The following NLRP14 variants were observed in gnomAD, a reference collection of about 807,000 sequenced individuals.
NLRP14 encodes NLR family pyrin domain containing 14, also known as NACHT, LRR and PYD domains-containing protein 14.
In NLRP14, 105 loss-of-function variants were observed where a neutral mutation model predicts 94.7. The observed-to-expected ratio is 1.11, with a 90% CI of 0.95 to 1.30. The LOEUF (loss-of-function observed/expected upper bound fraction) is 1.30. NLRP14 is among the 50% of genes most tolerant of loss of function. The pLI, the probability that NLRP14 is intolerant of heterozygous loss-of-function variation, is 0.00. For missense variants in NLRP14, 1,362 were observed against 1,254.1 expected (o/e 1.09, Z -1.30); for synonymous variants, 508 against 459.9 (o/e 1.10, Z -1.34).
intron 1 of NLRP14, among the ~76,000 whole-genome samples, chr11:7,021,244 A>G (rs568455248): frequency 3.3e-5 from 5 of 152,356 alleles, no homozygotes; most frequent in African/African-American, 1.2e-4. Flanking sequence ...TAACTATGTA[A>G]CAGACTTGTT....
chr11:7,026,706 C>T lies in NLRP14; in HGVS notation c.-22+5936C>T, dbSNP rs376967445. 9.3e-5 allele frequency among the ~76,000 whole-genome samples: 14 copies of T among 150,728 alleles called. No individual in the cohort carries two copies. The East Asian group carries it at 1.2e-3, about 13-fold the overall frequency. On this transcript the variant is annotated intron_variant, in intron 1 of 11. Coordinates refer to ENST00000299481, the MANE Select transcript of NLRP14 (RefSeq NM_176822.4). ...ATGCTGCTATAAAGACACATGCACA[C>T]GTATGTTTATTGCAGCACTATTCAC...
chr11:7,056,787 T>A (rs1852522035), intron 6 of NLRP14, among the ~76,000 whole-genome samples: 1 of 152,000 alleles, frequency 6.6e-6, no homozygotes, highest in Admixed American at 6.6e-5. Context: ...TTCCAAGTAA[T>A]TTTTAACTTA....
chr11:7,057,624 T>G, intron 6 of NLRP14, 53 bp from the exon 7 acceptor site: 4 of 1,542,484 alleles, frequency 2.6e-6, no homozygotes, highest in Non-Finnish European at 3.6e-6. Flanking sequence ...AGGTGTTGGT[T>G]GTAATTATTC....
At chr11:7,048,377 G>A (rs948242767) in intron 5 of NLRP14, among the ~76,000 whole-genome samples, 4 of 152,124 alleles carry the variant, frequency 2.6e-5, no homozygotes, top group Admixed American at 2.6e-4. Context: ...ACTCCACTAG[G>A]AGCTGAAACT....
intron 8 of NLRP14, among the ~76,000 whole-genome samples, chr11:7,059,495 A>G (rs550820320): frequency 6.6e-6 from 1 of 152,084 alleles, no homozygotes; most frequent in South Asian, 2.1e-4. Flanking sequence ...CAAAAGCAAT[A>G]ATGGCATAAT....
chr11:7,044,054 G>C, intron 4 of NLRP14, 70 bp downstream of exon 4: 1 of 1,484,812 alleles, frequency 6.7e-7, no homozygotes, highest in Non-Finnish European at 9.4e-7. Flanking sequence ...TCAGAGGGAG[G>C]AGGCGTTTAG....
At chr11:7,051,445 A>C (rs1331586178) in intron 6 of NLRP14, among the ~76,000 whole-genome samples, 2 of 152,166 alleles carry the variant, frequency 1.3e-5, no homozygotes, top group African/African-American at 4.8e-5. Context: ...CTCTCTGTAG[A>C]TGTGGGCAGT....
At chr11:7,081,138 G>A in the NLRP14 span, among the ~76,000 whole-genome samples, 1 of 152,132 alleles carries the variant, frequency 6.6e-6, no homozygotes, top group South Asian at 2.1e-4. Flanking sequence ...TGTTATTTGT[G>A]GTTTATGGTC....
chr11:7,079,332 A>G, the NLRP14 span, among the ~76,000 whole-genome samples: 17 of 152,156 alleles, frequency 1.1e-4, no homozygotes, highest in Non-Finnish European at 2.1e-4. Context: ...CCTGTTTCTC[A>G]TTCCTTTGGT....
At position 7,042,653 on chromosome 11, in the gene NLRP14, G is replaced by T. The variant is rs758129908; in HGVS notation, c.627G>T (p.Arg209Ser). ...CAGAGGGCAGTCTCTACCAGCAGAG[G>T]TTTAAGTATGTTTTTTATCTCAATG... ...DWAEGSLYQQ[R>S]FKYVFYLNGR... The change falls in exon 4 of 12, where the codon AGG (arginine) becomes AGT (serine). Residue 209 changes from arginine (R) to serine (S), a missense_variant. Physicochemically the swap from Arg to Ser is moderately radical, Grantham distance 110. Coordinates refer to ENST00000299481, the MANE Select transcript of NLRP14 (RefSeq NM_176822.4). 3 of 1,614,210 alleles carry T rather than the reference G, an allele frequency of 1.9e-6. No individual in the cohort carries two copies. The highest frequency in any genetic ancestry group is 3.3e-5 in the Admixed American group (2 of 60,022).
chr11:7,021,630 T>C (rs995465870), intron 1 of NLRP14, among the ~76,000 whole-genome samples: 4 of 151,970 alleles, frequency 2.6e-5, no homozygotes, highest in African/African-American at 7.2e-5. Flanking sequence ...TGCAATGTAT[T>C]TATTTATTTA....
intron 4 of NLRP14, among the ~76,000 whole-genome samples, chr11:7,046,344 T>C (rs1852348866): frequency 1.3e-5 from 2 of 152,222 alleles, no homozygotes. Flanking sequence ...AATTTTATTT[T>C]TCTTTTTGAT....
At chr11:7,046,930 ATACT>A in intron 5 of NLRP14, 98 bp downstream of exon 5, 2 of 882,018 alleles carry the variant, frequency 2.3e-6, no homozygotes, top group East Asian at 4.8e-5. Context: ...TGCTAAACAA[ATACT>A]TACAATCCAT....
At position 7,042,626 on chromosome 11, in the gene NLRP14, GGCAGAGGGCAGTCTCTACCA is replaced by G. The variant is rs1182457638; in HGVS notation, c.608_627del (p.Gly203ValfsTer2). The G allele has an allele frequency of 2.4e-5, 39 of 1,614,192 alleles. No homozygotes were observed. Among genetic ancestry groups the G allele is most frequent in the Non-Finnish European group, 3.2e-5 (38 of 1,180,026 alleles). ...TGGTGAGAAAGGCAATGTTAGATTG[GGCAGAGGGCAGTCTCTACCA>G]GCAGAGGTTTAAGTATGTTTTTTAT... On this transcript the variant is annotated frameshift_variant, in exon 4 of 12. Coordinates refer to ENST00000299481, the MANE Select transcript of NLRP14 (RefSeq NM_176822.4). LOFTEE classifies it high-confidence loss of function.
intron 1 of NLRP14, among the ~76,000 whole-genome samples, chr11:7,031,038 C>G (rs1852086187): frequency 6.6e-6 from 1 of 152,220 alleles, no homozygotes; most frequent in Non-Finnish European, 1.5e-5. Flanking sequence ...TCCAACCACC[C>G]ACGCTGGCCC....
chr11:7,052,195 T>A (rs184735856), intron 6 of NLRP14, among the ~76,000 whole-genome samples: 2 of 152,306 alleles, frequency 1.3e-5, no homozygotes, highest in South Asian at 2.1e-4. Context: ...ATTGGGGCTT[T>A]ATAAGCAAGG....
intron 4 of NLRP14, among the ~76,000 whole-genome samples, chr11:7,045,545 C>T (rs954538373): frequency 2.6e-5 from 4 of 152,110 alleles, no homozygotes; most frequent in Admixed American, 2.0e-4. Flanking sequence ...CATTTTATCT[C>T]GTGTTCGCAC....
the NLRP14 span, among the ~76,000 whole-genome samples, chr11:7,078,462 A>AAAAAGAAAAAAAAAAAG: frequency 4.5e-5 from 4 of 88,486 alleles, no homozygotes; most frequent in South Asian, 4.4e-4. Flanking sequence ...AAAAAAAAAA[A>AAAAAGAAAAAAAAAAAG]CAAAAAAATT....
At chr11:7,090,515 A>G in the NLRP14 span, 2 of 637,358 alleles carry the variant, frequency 3.1e-6, no homozygotes, top group Non-Finnish European at 5.5e-6. Context: ...TCTTTCAACA[A>G]GCTCCTGTTA....
Sources: gnomAD v4.1 joint callset for allele counts (sites outside exome capture counted in the v4.1 genomes callset) on GRCh38, gnomAD v4.1.1 for gene constraint, MANE v1.5 for transcripts, NCBI Gene and HGNC (gene_info 2026-07-23, HGNC 2026-07-21) for gene names.